MBP: variants seen among roughly 807,000 people sequenced by gnomAD.
MBP encodes myelin basic protein, also known as Golli-MBP.
A neutral mutation model predicts 35.8 loss-of-function variants in MBP; 16 were observed. The observed-to-expected ratio is 0.45, with a 90% CI of 0.30 to 0.68. The LOEUF is 0.68. Among genes scored for constraint, MBP ranks in the 30% least tolerant of loss-of-function variants. MBP has a pLI of 0.08. For synonymous variants in MBP, 143 were observed against 159.6 expected, an observed-to-expected ratio of 0.90 and a Z score of 0.78; for missense variants, 380 against 404.7, an observed-to-expected ratio of 0.94 and a Z score of 0.52.
At chr18:77,091,979 C>G (rs758609536) in intron 2 of MBP, among the ~76,000 whole-genome samples, 10 of 152,092 alleles carry the variant, frequency 6.6e-5, no homozygotes, top group Non-Finnish European at 1.0e-4. Flanking sequence ...ACCAGATTGC[C>G]GAAGATAGGG....
At chr18:76,981,667 G>T (rs1969211572) in intron 8 of MBP, 1 of 152,248 alleles carries the variant, frequency 6.6e-6, no homozygotes, top group Admixed American at 6.5e-5. Context: ...TCCCAAGACA[G>T]GCAGCTTTCT....
chr18:77,103,045 T>C (rs985520938), intron 2 of MBP, among the ~76,000 whole-genome samples: 1 of 152,250 alleles, frequency 6.6e-6, no homozygotes, highest in Non-Finnish European at 1.5e-5. Context: ...AAAATTAGTC[T>C]TTCTAAATCC....
intron 3 of MBP, among the ~76,000 whole-genome samples, chr18:77,059,488 ATTAAT>A (rs1305052620): frequency 7.9e-6 from 1 of 127,272 alleles, no homozygotes; most frequent in Non-Finnish European, 1.6e-5. Flanking sequence ...ATTATTTATA[ATTAAT>A]TTAATTCTAA....
chr18:76,988,704 G>T lies in MBP; in HGVS notation c.717+173C>A. ...ACAGCGGCTGTGCAGGTGCGGGAGG[G>T]ACAGGAGGGGTGCATGGATCTGCCG... On this transcript the variant is annotated intron_variant, in intron 6 of 8. Coordinates refer to ENST00000355994, the MANE Select transcript of MBP (RefSeq NM_001025101.2). The surrounding 1 kb of genome is among the most constrained non-coding windows in gnomAD (Gnocchi z 5.2). 7.4e-7 allele frequency: 1 copy of T among 1,353,662 alleles called. No individual in the cohort carries two copies. The highest frequency in any genetic ancestry group is 1.0e-6 in the Non-Finnish European group (1 of 990,240). The allele number at this position is 1,353,662 out of a possible 1,614,324, so 83.9% of individuals were successfully genotyped here. A position where few individuals can be genotyped will look rare whatever the true frequency, so the allele number is the denominator to read the frequency against.
At chr18:77,129,536 C>T (rs74372563) in intron 1 of MBP, among the ~76,000 whole-genome samples, 15,010 of 152,232 alleles carry the variant, frequency 0.099, 944 homozygotes, top group Non-Finnish European at 0.14. Flanking sequence ...TGAAGCCTGT[C>T]CACTACAGGT....
intron 3 of MBP, among the ~76,000 whole-genome samples, chr18:77,038,485 C>T (rs373676591): frequency 6.6e-6 from 1 of 152,140 alleles, no homozygotes; most frequent in East Asian, 1.9e-4. Context: ...AAAGGCAAAC[C>T]CTTTGTTTGA....
chr18:77,045,302 C>T (rs114959778), intron 3 of MBP, among the ~76,000 whole-genome samples: 16,667 of 152,062 alleles, frequency 0.11, 969 homozygotes, highest in East Asian at 0.15. Context: ...CAGCACCTGC[C>T]GGCATCAGGT....
chr18:76,998,300 CT>C (rs1260264182), intron 4 of MBP, among the ~76,000 whole-genome samples: 2 of 149,236 alleles, frequency 1.3e-5, no homozygotes, highest in African/African-American at 2.5e-5. Context: ...CCGCAGTGCC[CT>C]CCAGGCGCCC....
chr18:77,066,199 T>C, intron 3 of MBP, 99 bp downstream of exon 3: 1 of 816,658 alleles, frequency 1.2e-6, no homozygotes, highest in South Asian at 1.4e-5. Context: ...GATCCATGGA[T>C]CACCCATGCA....
chr18:77,025,566 C>T (rs1972178810), intron 3 of MBP, among the ~76,000 whole-genome samples: 1 of 152,180 alleles, frequency 6.6e-6, no homozygotes, highest in Admixed American at 6.5e-5. Flanking sequence ...GCTCACCGTG[C>T]AACGGCTCCA....
chr18:77,068,947 G>A (rs774823025), intron 2 of MBP: 2 of 462,338 alleles, frequency 4.3e-6, no homozygotes, highest in African/African-American at 4.0e-5. Flanking sequence ...TGAGCCTTGG[G>A]GGCCTCACCT....
At chr18:77,045,558 C>T (rs1973217207) in intron 3 of MBP, among the ~76,000 whole-genome samples, 1 of 152,228 alleles carries the variant, frequency 6.6e-6, no homozygotes, top group Non-Finnish European at 1.5e-5. Flanking sequence ...AGGAAGGCAC[C>T]TGCACTGCCA....
intron 2 of MBP, among the ~76,000 whole-genome samples, chr18:77,074,712 C>G (rs184912541): frequency 6.6e-6 from 1 of 152,146 alleles, no homozygotes; most frequent in African/African-American, 2.4e-5. Flanking sequence ...CATGGGAAAT[C>G]GATTCCCAGA....
intron 2 of MBP, among the ~76,000 whole-genome samples, chr18:77,074,947 T>C (rs1452429739): frequency 1.3e-5 from 2 of 152,346 alleles, no homozygotes; most frequent in Middle Eastern, 6.8e-3. Flanking sequence ...TACTAGATCA[T>C]GTTTACATTA....
rs565463447 is a variant in MBP, at chr18:77,013,509, A to T, written c.576+3323T>A. 85 of 985,426 alleles carry T rather than the reference A, an allele frequency of 8.6e-5. No homozygotes were observed. The South Asian group carries it at 3.3e-3, about 39-fold the overall frequency. The allele number at this position is 985,426 out of a possible 1,614,324, so 61.0% of individuals were successfully genotyped here. On this transcript the variant is annotated intron_variant, in intron 4 of 8. Coordinates refer to ENST00000355994, the MANE Select transcript of MBP (RefSeq NM_001025101.2). ...GAAATTAAAATGCAATGGAAAAAAAATCAGGCAACAGAACATTCTGATGAA... is the reference window on the plus strand; with the variant it reads ...GAAATTAAAATGCAATGGAAAAAAATTCAGGCAACAGAACATTCTGATGAA...
chr18:77,070,504 T>C (rs1282918709), intron 2 of MBP, among the ~76,000 whole-genome samples: 1 of 152,178 alleles, frequency 6.6e-6, no homozygotes. Context: ...TTACCACGTA[T>C]GGTGAAAGAT....
chr18:77,125,888 CA>C (rs11370299), intron 1 of MBP, among the ~76,000 whole-genome samples: 2 of 147,564 alleles, frequency 1.4e-5, no homozygotes. Flanking sequence ...TTCAAGAAAC[CA>C]AAAAAAAAAG....
intron 4 of MBP, among the ~76,000 whole-genome samples, chr18:76,990,570 G>A (rs1969844949): frequency 6.6e-6 from 1 of 152,312 alleles, no homozygotes; most frequent in Non-Finnish European, 1.5e-5. Flanking sequence ...AGGATTCTTG[G>A]TAAAACTGGA....
At chr18:76,983,986 ACGCAGGTGCCT>A (rs1969374729) in intron 8 of MBP, 1 of 152,056 alleles carries the variant, frequency 6.6e-6, no homozygotes, top group African/African-American at 2.4e-5. Flanking sequence ...GAAAATGCAA[ACGCAGGTGCCT>A]GGGGGCTCCC....
Sources: gnomAD v4.1 joint callset for allele counts (sites outside exome capture counted in the v4.1 genomes callset) on GRCh38, gnomAD v4.1.1 for gene constraint, Gnocchi (gnomAD v3.1) non-coding constraint, MANE v1.5 for transcripts, NCBI Gene and HGNC (gene_info 2026-07-23, HGNC 2026-07-21) for gene names.